ILDR1: variants seen among roughly 807,000 people sequenced by gnomAD.
ILDR1 encodes the protein immunoglobulin like domain containing receptor 1, also known as immunoglobulin-like domain-containing receptor 1.
Under a neutral mutation model 62.4 loss-of-function variants are expected in ILDR1, and 56 were observed. The ratio of observed to expected loss-of-function variants is 0.90; its 90% CI spans 0.72 to 1.12. ILDR1 has a LOEUF of 1.12. Ranked by LOEUF, ILDR1 falls within the 50% of genes most tolerant of loss-of-function variation. ILDR1 has a pLI of 0.00. For synonymous variants in ILDR1, 284 were observed against 277.8 expected, an observed-to-expected ratio of 1.02 and a Z score of -0.22; for missense variants, 736 against 710.6, an observed-to-expected ratio of 1.04 and a Z score of -0.41.
the ILDR1 span, among the ~76,000 whole-genome samples, chr3:122,039,716 T>A: frequency 1.3e-5 from 2 of 152,022 alleles, no homozygotes; most frequent in African/African-American, 4.8e-5. Flanking sequence ...AATGAAGAGA[T>A]TTGAAAACAG....
the ILDR1 span, among the ~76,000 whole-genome samples, chr3:122,045,264 T>G: frequency 6.7e-6 from 1 of 149,372 alleles, no homozygotes; most frequent in African/African-American, 2.5e-5. Context: ...CTAGTTTGAT[T>G]GCACTGTGGT....
At chr3:121,990,967 C>T (rs2071335610) in intron 7 of ILDR1, among the ~76,000 whole-genome samples, 1 of 152,102 alleles carries the variant, frequency 6.6e-6, no homozygotes, top group Non-Finnish European at 1.5e-5. Flanking sequence ...TTTGGGAGGT[C>T]GAGGCGGGCA....
chr3:122,008,035 A>G (rs1158327217), intron 1 of ILDR1, among the ~76,000 whole-genome samples: 1 of 152,224 alleles, frequency 6.6e-6, no homozygotes, highest in Non-Finnish European at 1.5e-5. Context: ...ACCAGTGCCC[A>G]GTACTGTGCC....
At chr3:122,056,688 C>T in the ILDR1 span, among the ~76,000 whole-genome samples, 1 of 152,158 alleles carries the variant, frequency 6.6e-6, no homozygotes, top group Non-Finnish European at 1.5e-5. Context: ...CTTTCATCTA[C>T]CCAGTGCTTA....
intron 5 of ILDR1, among the ~76,000 whole-genome samples, chr3:121,996,578 A>G (rs890885882): frequency 6.6e-6 from 1 of 152,166 alleles, no homozygotes; most frequent in Non-Finnish European, 1.5e-5. Context: ...AAAGTAGGAA[A>G]CCTGGATAAG....
At chr3:122,040,729 A>G in the ILDR1 span, among the ~76,000 whole-genome samples, 1 of 121,714 alleles carries the variant, frequency 8.2e-6, no homozygotes, top group African/African-American at 3.5e-5. Context: ...GATGCAAAAA[A>G]AAAAAAAGAA....
Position 122,001,630 on chromosome 3 carries a change from T to A in ILDR1, c.499+115A>T, listed in dbSNP as rs188126104. On this transcript the variant is annotated intron_variant, in intron 4 of 7. Transcript: ENST00000344209. ...TTGATAAGGGAACTTTAGAGGTTGA[T>A]AATCCAATGACAAGAACTTAGGCTT... The A allele has an allele frequency of 1.8e-4, 274 of 1,533,254 alleles. No individual in the cohort carries two copies. In the African/African-American group the frequency reaches 3.2e-3, roughly 18 times the overall value. The allele number at this position is 1,533,254 out of a possible 1,614,324, so 95.0% of individuals were successfully genotyped here. A position where few individuals can be genotyped will look rare whatever the true frequency, so the allele number is the denominator to read the frequency against.
intron 1 of ILDR1, among the ~76,000 whole-genome samples, chr3:122,008,275 G>T (rs1343073363): frequency 6.6e-6 from 1 of 152,206 alleles, no homozygotes; most frequent in Non-Finnish European, 1.5e-5. Flanking sequence ...CATACTTAAA[G>T]CTCCAGGTGT....
chr3:121,990,126 A>T (rs2071319514), intron 7 of ILDR1, among the ~76,000 whole-genome samples: 1 of 152,188 alleles, frequency 6.6e-6, no homozygotes. Flanking sequence ...ATGTTTCACT[A>T]CAAGCTCCAA....
Position 122,005,232 on chromosome 3 carries a change from C to T in ILDR1, c.379+12G>A. The T allele has an allele frequency of 6.3e-7, 1 of 1,591,454 alleles. No homozygotes were observed. The highest frequency in any genetic ancestry group is 8.6e-7 in the Non-Finnish European group (1 of 1,159,804). On this transcript the variant is annotated intron_variant, in intron 3 of 7. Transcript: ENST00000344209. Reference sequence around the variant, plus strand: ...CCACCCCCAGTTCCCCTGACACCTCCCCCGCACTCACGGTTCTGGATGGTG... The same window carrying T: ...CCACCCCCAGTTCCCCTGACACCTCTCCCGCACTCACGGTTCTGGATGGTG...
chr3:121,988,433 C>CA (rs757069196), intron 7 of ILDR1, 25 bp from the exon 8 acceptor site: 65 of 1,600,624 alleles, frequency 4.1e-5, no homozygotes, highest in East Asian at 2.5e-4. Flanking sequence ...AATACACACA[C>CA]AAAAAAAATC....
At position 121,992,296 on chromosome 3, in the gene ILDR1, C is replaced by G. The variant is rs1227583936; in HGVS notation, c.1599+854G>C. ...GGATTACAGGCACCCGCCACCACAC[C>G]CAGCTAATTTTTTGTATTTTTAGTA... On this transcript the variant is annotated intron_variant, in intron 7 of 7. Transcript: ENST00000344209. Among the ~76,000 whole-genome samples, 6 of 152,254 alleles carry G rather than the reference C, an allele frequency of 3.9e-5. No homozygotes were observed. In the East Asian group the frequency reaches 1.2e-3, roughly 29 times the overall value.
At chr3:121,999,239 G>A (rs919450188) in intron 5 of ILDR1, among the ~76,000 whole-genome samples, 1 of 151,948 alleles carries the variant, frequency 6.6e-6, no homozygotes, top group Non-Finnish European at 1.5e-5. Flanking sequence ...ACTGATAAAG[G>A]TGGTTATCTC....
At chr3:121,994,151 T>C (rs1178832317) in intron 6 of ILDR1, 31 bp downstream of exon 6, 1 of 1,534,528 alleles carries the variant, frequency 6.5e-7, no homozygotes, top group Admixed American at 2.0e-5. Flanking sequence ...CCCTCTGCCC[T>C]CCCCTATCCC....
chr3:121,989,379 G>A (rs901624190), intron 7 of ILDR1, among the ~76,000 whole-genome samples: 5 of 152,260 alleles, frequency 3.3e-5, no homozygotes, highest in African/African-American at 9.6e-5. Flanking sequence ...TAAGAATGCC[G>A]ACATAAAACT....
At chr3:122,028,504 T>A in the ILDR1 span, among the ~76,000 whole-genome samples, 5,594 of 152,220 alleles carry the variant, frequency 0.037, 133 homozygotes, top group Middle Eastern at 0.058. Flanking sequence ...AAAATTTTTT[T>A]AAAAGTCACA....
chr3:122,030,649 C>CTCTG, the ILDR1 span, among the ~76,000 whole-genome samples: 8 of 151,810 alleles, frequency 5.3e-5, no homozygotes, highest in Non-Finnish European at 8.8e-5. Context: ...CTCTCTCTCT[C>CTCTG]TCTAAGTGTT....
chr3:122,030,638 T>TCTCA, the ILDR1 span, among the ~76,000 whole-genome samples: 1 of 151,670 alleles, frequency 6.6e-6, no homozygotes, highest in Non-Finnish European at 1.5e-5. Flanking sequence ...TCTCTCTCTC[T>TCTCA]CTCTCTCTCT....
chr3:122,035,201 G>A, the ILDR1 span, among the ~76,000 whole-genome samples: 3 of 152,192 alleles, frequency 2.0e-5, no homozygotes, highest in South Asian at 4.1e-4. Context: ...CAAAAATTTC[G>A]TTCTTAGGGT....
Sources: gnomAD v4.1 joint callset for allele counts (sites outside exome capture counted in the v4.1 genomes callset) on GRCh38, gnomAD v4.1.1 for gene constraint, MANE v1.5 for transcripts, NCBI Gene and HGNC (gene_info 2026-07-23, HGNC 2026-07-21) for gene names.